Variants in SBF2 observed in about 807,000 individuals in gnomAD.
SBF2 encodes the protein SET binding factor 2.
Under a neutral mutation model 225.2 loss-of-function variants are expected in SBF2, and 112 were observed. The observed-to-expected ratio is 0.50, with a 90% confidence interval of 0.43 to 0.58. SBF2 has a LOEUF of 0.58. SBF2 is among the 20% of genes least tolerant of loss of function. SBF2 has a pLI of 0.00. For missense variants in SBF2, 1,996 were observed against 2,206.2 expected (o/e 0.90, Z 1.91); for synonymous variants, 763 against 773.3 (o/e 0.99, Z 0.22).
intron 2 of SBF2, among the ~76,000 whole-genome samples, chr11:10,187,163 G>A (rs1956958159): frequency 6.6e-6 from 1 of 152,102 alleles, no homozygotes; most frequent in African/African-American, 2.4e-5. Flanking sequence ...TATCCTCCAT[G>A]CTTTCTCTTA....
intron 2 of SBF2, among the ~76,000 whole-genome samples, chr11:10,096,137 T>A (rs1952010077): frequency 6.6e-6 from 1 of 151,996 alleles, no homozygotes; most frequent in Admixed American, 6.6e-5. Context: ...CATAAACAAA[T>A]CTCTCCATAC....
intron 17 of SBF2, among the ~76,000 whole-genome samples, chr11:9,862,767 AT>A (rs569116397): frequency 2.4e-4 from 37 of 151,978 alleles, no homozygotes; most frequent in Non-Finnish European, 4.7e-4. Context: ...TGTTTATTTT[AT>A]TTTTTTGATT....
chr11:10,201,848 T>C (rs1241007861), intron 1 of SBF2, among the ~76,000 whole-genome samples: 1 of 152,136 alleles, frequency 6.6e-6, no homozygotes, highest in Non-Finnish European at 1.5e-5. Context: ...ATACAATCAC[T>C]GGGTGACAGA....
chr11:9,828,018 G>C (rs1554913752), intron 28 of SBF2: 1 of 592,222 alleles, frequency 1.7e-6, no homozygotes, highest in Non-Finnish European at 2.5e-6. Context: ...GGGTAATTAA[G>C]AACAATTTGA....
chr11:9,984,765 AG>A (rs1239278472), intron 13 of SBF2, among the ~76,000 whole-genome samples: 1 of 152,208 alleles, frequency 6.6e-6, no homozygotes, highest in Non-Finnish European at 1.5e-5. Context: ...AAGAGACTGG[AG>A]CCCTATCTTC....
intron 1 of SBF2, among the ~76,000 whole-genome samples, chr11:10,214,364 C>A (rs538263842): frequency 1.8e-4 from 27 of 152,332 alleles, no homozygotes; most frequent in Non-Finnish European, 2.6e-4. Flanking sequence ...TGGCTCACGC[C>A]TATAATCCCA....
At chr11:9,806,319 G>C (rs147975951) in intron 32 of SBF2, among the ~76,000 whole-genome samples, 147 of 152,332 alleles carry the variant, frequency 9.6e-4, no homozygotes, top group African/African-American at 3.4e-3. Flanking sequence ...ACACAAATTA[G>C]TAATTATTGT....
intron 32 of SBF2, among the ~76,000 whole-genome samples, chr11:9,797,601 T>C (rs1045126683): frequency 1.3e-5 from 2 of 152,228 alleles, no homozygotes; most frequent in African/African-American, 2.4e-5. Context: ...TTGTATTACG[T>C]AGAGTTTTCT....
intron 2 of SBF2, among the ~76,000 whole-genome samples, chr11:10,107,571 T>C (rs533529611): frequency 6.5e-4 from 99 of 152,314 alleles, no homozygotes; most frequent in Middle Eastern, 3.4e-3. Flanking sequence ...AAAATCAAAG[T>C]GTTGGCAGGA....
intron 30 of SBF2, among the ~76,000 whole-genome samples, chr11:9,811,897 C>G (rs1042233493): frequency 6.6e-6 from 1 of 152,040 alleles, no homozygotes; most frequent in Non-Finnish European, 1.5e-5. Context: ...GGGAGGATTA[C>G]TTGAGGCCAG....
At position 9,781,488 on chromosome 11, in the gene SBF2, A is replaced by G; in HGVS notation, c.5451+19T>C. ...GATGTGCAGACAGAGCCAGGAAAAGAGAAGTAAGATCAACTTACATCAAAG... is the reference window on the plus strand; with the variant it reads ...GATGTGCAGACAGAGCCAGGAAAAGGGAAGTAAGATCAACTTACATCAAAG... On this transcript the variant is annotated intron_variant, in intron 39 of 39. Coordinates refer to ENST00000256190, the MANE Select transcript of SBF2 (RefSeq NM_030962.4). The G allele has an allele frequency of 2.5e-6, 4 of 1,614,080 alleles. No individual in the cohort carries two copies. Among genetic ancestry groups the G allele is most frequent in the African/African-American group, 1.3e-5 (1 of 75,066 alleles).
intron 2 of SBF2, among the ~76,000 whole-genome samples, chr11:10,086,551 A>G (rs1236139160): frequency 6.6e-6 from 1 of 152,206 alleles, no homozygotes; most frequent in African/African-American, 2.4e-5. Flanking sequence ...TCTAAGCACT[A>G]TAGTACAATC....
intron 1 of SBF2, among the ~76,000 whole-genome samples, chr11:10,223,901 G>A (rs907939440): frequency 6.6e-6 from 1 of 152,078 alleles, no homozygotes; most frequent in African/African-American, 2.4e-5. Context: ...ACAGGAGGCA[G>A]CTACAAAATT....
At chr11:9,877,563 C>T (rs967717118) in intron 17 of SBF2, among the ~76,000 whole-genome samples, 1 of 152,060 alleles carries the variant, frequency 6.6e-6, no homozygotes, top group South Asian at 2.1e-4. Flanking sequence ...AACCCCCCGA[C>T]AGGCCCCAGT....
chr11:10,108,985 TAGAA>T (rs1332921365), intron 2 of SBF2, among the ~76,000 whole-genome samples: 1 of 152,140 alleles, frequency 6.6e-6, no homozygotes, highest in Non-Finnish European at 1.5e-5. Context: ...GAGGAAAAGT[TAGAA>T]GAAAGAATAA....
At chr11:10,219,766 A>C (rs12291783) in intron 1 of SBF2, among the ~76,000 whole-genome samples, 5,441 of 152,270 alleles carry the variant, frequency 0.036, 266 homozygotes, top group African/African-American at 0.11. Context: ...GCATAGCAAG[A>C]GTGACCTTTA....
chr11:9,898,430 G>C (rs1324089436), intron 16 of SBF2, among the ~76,000 whole-genome samples: 1 of 152,204 alleles, frequency 6.6e-6, no homozygotes, highest in African/African-American at 2.4e-5. Flanking sequence ...CAGCACTTTA[G>C]GAGGCAGAGG....
chr11:10,295,623 A>T (rs1470724815), upstream of SBF2, among the ~76,000 whole-genome samples: 2 of 151,796 alleles, frequency 1.3e-5, no homozygotes, highest in African/African-American at 4.8e-5. Flanking sequence ...CCCGTGCAGC[A>T]ATCCTCTCTG....
intron 17 of SBF2, among the ~76,000 whole-genome samples, chr11:9,877,749 G>A (rs1239676264): frequency 6.6e-6 from 1 of 152,140 alleles, no homozygotes; most frequent in Non-Finnish European, 1.5e-5. Context: ...TGGCTGCACA[G>A]TATTCCATGG....
Sources: gnomAD v4.1 joint callset for allele counts (sites outside exome capture counted in the v4.1 genomes callset) on GRCh38, gnomAD v4.1.1 for gene constraint, MANE v1.5 for transcripts, NCBI Gene and HGNC (gene_info 2026-07-23, HGNC 2026-07-21) for gene names.